Variants in ENTPD3 observed in about 807,000 individuals in gnomAD.
The protein encoded by ENTPD3 is ectonucleoside triphosphate diphosphohydrolase 3.
A neutral mutation model predicts 51.2 loss-of-function variants in ENTPD3; 60 were observed. The ratio of observed to expected loss-of-function variants is 1.17; its 90% confidence interval spans 0.95 to 1.45. The LOEUF (loss-of-function observed/expected upper bound fraction) is 1.45, where lower values mean the gene tolerates loss of function less well. Ranked by LOEUF, ENTPD3 falls within the 40% of genes most tolerant of loss-of-function variation. The pLI, the probability that ENTPD3 is intolerant of heterozygous loss-of-function variation, is 0.00. For synonymous variants in ENTPD3, 221 were observed against 238.4 expected (o/e 0.93, Z 0.67); for missense variants, 593 against 641.1 (o/e 0.93, Z 0.81).
chr3:40,410,259 G>A (rs1336909459), intron 4 of ENTPD3, among the ~76,000 whole-genome samples: 4 of 152,046 alleles, frequency 2.6e-5, no homozygotes, highest in Non-Finnish European at 5.9e-5. Flanking sequence ...TGGCCAACAT[G>A]GCAAAACTCT....
chr3:40,403,165 AAG>A (rs753886157), intron 4 of ENTPD3, among the ~76,000 whole-genome samples: 1 of 152,144 alleles, frequency 6.6e-6, no homozygotes, highest in Non-Finnish European at 1.5e-5. Context: ...CCGGGAGACC[AAG>A]AGTCTTCTTT....
intron 7 of ENTPD3, among the ~76,000 whole-genome samples, chr3:40,417,476 A>T (rs1955772725): frequency 6.6e-6 from 1 of 151,762 alleles, no homozygotes; most frequent in East Asian, 1.9e-4. Flanking sequence ...TCTCCTGACA[A>T]CTCACTCACT....
intron 3 of ENTPD3, among the ~76,000 whole-genome samples, chr3:40,395,037 G>A (rs1346740793): frequency 6.6e-6 from 1 of 152,190 alleles, no homozygotes; most frequent in African/African-American, 2.4e-5. Flanking sequence ...AATGGTCTGA[G>A]GGGTGGCCAA....
chr3:40,415,999 A>G lies in ENTPD3; in HGVS notation c.757A>G (p.Thr253Ala). The change falls in exon 7 of 11, where the codon ACG (threonine) becomes GCG (alanine). Residue 253 changes from threonine (T) to alanine (A), a missense_variant. Physicochemically the swap from Thr to Ala is moderately conservative, Grantham distance 58 (BLOSUM62 0). Coordinates refer to ENST00000301825, the MANE Select transcript of ENTPD3 (RefSeq NM_001248.4). ...GGTGTCCCTGTATGGCTACGTATAC[A>G]CGCTCTACACACACAGCTTCCAGTG... ...MQVSLYGYVY[T>A]LYTHSFQCYG... 4 of 1,613,512 alleles carry G rather than the reference A, an allele frequency of 2.5e-6. No homozygotes were observed. Among genetic ancestry groups the G allele is most frequent in the Non-Finnish European group, 3.4e-6 (4 of 1,179,844 alleles).
intron 7 of ENTPD3, among the ~76,000 whole-genome samples, chr3:40,418,970 T>C (rs549239258): frequency 2.6e-5 from 4 of 152,264 alleles, no homozygotes; most frequent in East Asian, 1.9e-4. Context: ...TTTAAAACCA[T>C]AGAAAGAGTG....
Position 40,422,960 on chromosome 3 carries a change from A to G in ENTPD3, c.942A>G (p.Pro314=). ...FDSLCTVDQR[P]ESYNPNDVIT... ...GCCTGTGCACTGTGGACCAGAGGCCAGAAAGTTATAACCCCAATGATGTCA... is the reference window on the plus strand; with the variant it reads ...GCCTGTGCACTGTGGACCAGAGGCCGGAAAGTTATAACCCCAATGATGTCA... The change falls in exon 8 of 11, where the codon CCA becomes CCG. Residue 314 remains proline, a synonymous_variant. Transcript: ENST00000301825. 6.2e-7 allele frequency: 1 copy of G among 1,614,158 alleles called. No homozygotes were observed. The highest frequency in any genetic ancestry group is 2.2e-5 in the East Asian group (1 of 44,874).
In ENTPD3 at chr3:40,416,043, TGAG is replaced by T; in HGVS notation, c.802_804del (p.Glu268del). 2 of 1,613,994 alleles carry T rather than the reference TGAG, an allele frequency of 1.2e-6. No homozygotes were observed. Among genetic ancestry groups the T allele is most frequent in the South Asian group, 2.2e-5 (2 of 91,060 alleles). On this transcript the variant is annotated inframe_deletion, in exon 7 of 11. Coordinates refer to ENST00000301825, the MANE Select transcript of ENTPD3 (RefSeq NM_001248.4). ...TCCAGTGCTATGGCCGGAATGAGGC[TGAG>T]AAGAAGTTTCTGGCAATGCTCCTGC...
At chr3:40,409,547 GC>G (rs1258391512) in intron 4 of ENTPD3, among the ~76,000 whole-genome samples, 2 of 152,190 alleles carry the variant, frequency 1.3e-5, no homozygotes, top group Non-Finnish European at 2.9e-5. Context: ...ACACATCCAA[GC>G]AAAACTTGTA....
At chr3:40,415,009 A>G (rs1317140869) in intron 6 of ENTPD3, among the ~76,000 whole-genome samples, 169 bp downstream of exon 6, 2 of 152,194 alleles carry the variant, frequency 1.3e-5, no homozygotes, top group Non-Finnish European at 2.9e-5. Flanking sequence ...AGACATATAT[A>G]GCTGGGGAGA....
chr3:40,396,586 G>T (rs769428012), intron 3 of ENTPD3, among the ~76,000 whole-genome samples: 1 of 152,110 alleles, frequency 6.6e-6, no homozygotes, highest in African/African-American at 2.4e-5. Flanking sequence ...CAGTCAAGGG[G>T]CGAAAATGTC....
chr3:40,407,104 C>G (rs73830034), intron 4 of ENTPD3, among the ~76,000 whole-genome samples: 5 of 152,196 alleles, frequency 3.3e-5, no homozygotes, highest in African/African-American at 9.6e-5. Context: ...TTGGGGAACA[C>G]TGGGAGTGGA....
chr3:40,393,354 T>C (rs1955111015), intron 3 of ENTPD3, among the ~76,000 whole-genome samples: 1 of 152,208 alleles, frequency 6.6e-6, no homozygotes, highest in African/African-American at 2.4e-5. Flanking sequence ...AGGGACCAGG[T>C]AATTCAGCCA....
chr3:40,402,123 C>CTTTTTTTT (rs58000344), intron 4 of ENTPD3, among the ~76,000 whole-genome samples: 19,033 of 95,006 alleles, frequency 0.2, 3,680 homozygotes, highest in East Asian at 0.38. Flanking sequence ...TTTTTTTTTT[C>CTTTTTTTT]TTTTTTTTTT....
At chr3:40,388,919 T>C (rs116003936) in intron 2 of ENTPD3, among the ~76,000 whole-genome samples, 186 of 152,310 alleles carry the variant, frequency 1.2e-3, no homozygotes, top group African/African-American at 4.4e-3. Context: ...CACGTAGCTG[T>C]GGTCAGGAAA....
rs112894283 is a variant in ENTPD3 at position 40,427,640 on chromosome 3, C to A, written c.*132C>A. On this transcript the variant is annotated 3_prime_UTR_variant, in exon 11 of 11. Coordinates refer to ENST00000301825, the MANE Select transcript of ENTPD3 (RefSeq NM_001248.4). The stretch of plus-strand genomic sequence containing the variant: ...TCAAACACCTAGGTCACGTGCCTCT[C>A]AAATACTGATTTCTGCCACAGCACC... 1.0e-5 allele frequency: 7 copies of A among 681,994 alleles called. No individual in the cohort carries two copies. The highest frequency in any genetic ancestry group is 8.9e-5 in the African/African-American group (5 of 56,082). The allele number at this position is 681,994 out of a possible 1,614,324, so 42.2% of individuals were successfully genotyped here.
chr3:40,413,048 C>G lies in ENTPD3; in HGVS notation c.437+1086C>G, dbSNP rs149482313. ...TGAAACCATGTAATCTCAGAGAACA[C>G]AGAAAGGCAGCCCCTTTACAGGCTA... On this transcript the variant is annotated intron_variant, in intron 5 of 10. Transcript: ENST00000301825. Among the ~76,000 whole-genome samples, 11 of 152,282 alleles carry G rather than the reference C, an allele frequency of 7.2e-5. No individual in the cohort carries two copies. In the East Asian group the frequency reaches 2.1e-3, roughly 29 times the overall value.
intron 4 of ENTPD3, among the ~76,000 whole-genome samples, chr3:40,408,509 T>C (rs1955555247): frequency 6.6e-6 from 1 of 152,202 alleles, no homozygotes; most frequent in African/African-American, 2.4e-5. Flanking sequence ...AGTAAAGAAT[T>C]AAGACTAATG....
rs1321262277 is a variant in ENTPD3, at chr3:40,423,404, C to A, written c.1215+3C>A. 13 of 1,595,720 alleles carry A rather than the reference C, an allele frequency of 8.1e-6. No homozygotes were observed. The highest frequency in any genetic ancestry group is 2.2e-5 in the South Asian group (2 of 90,524). On this transcript the variant is annotated splice_donor_region_variant and intron_variant, in intron 9 of 10. Transcript: ENST00000301825. ...TCTGCTCACAGAATTGGAGTCAGGTCAGTATTTAAAGAGAAGGGATCAATG... is the reference window on the plus strand; with the variant it reads ...TCTGCTCACAGAATTGGAGTCAGGTAAGTATTTAAAGAGAAGGGATCAATG...
intron 2 of ENTPD3, 44 bp from the exon 3 acceptor site, chr3:40,391,979 T>C (rs1047630169): frequency 6.2e-7 from 1 of 1,611,480 alleles, no homozygotes; most frequent in South Asian, 1.1e-5. Context: ...CAGTGCCTGG[T>C]TTTTACCTCC....
Sources: gnomAD v4.1 joint callset for allele counts (sites outside exome capture counted in the v4.1 genomes callset) on GRCh38, gnomAD v4.1.1 for gene constraint, MANE v1.5 for transcripts, NCBI Gene and HGNC (gene_info 2026-07-23, HGNC 2026-07-21) for gene names.